Variants in NCAM2 observed in about 807,000 individuals in gnomAD.
NCAM2 encodes the protein N-CAM-2.
A neutral mutation model predicts 98.1 loss-of-function variants in NCAM2; 30 were observed. That is an observed-to-expected ratio of 0.31 (90% CI 0.23 to 0.41). NCAM2 has a LOEUF of 0.41. Ranked by LOEUF, NCAM2 falls within the 10% of genes least tolerant of loss-of-function variation. The pLI is 1.00. For missense variants in NCAM2, 867 were observed against 1,005.8 expected (o/e 0.86, Z 1.87); for synonymous variants, 368 against 342.4 (o/e 1.07, Z -0.83).
chr21:21,296,245 T>A (rs1423034337), intron 5 of NCAM2, among the ~76,000 whole-genome samples: 1 of 151,786 alleles, frequency 6.6e-6, no homozygotes, highest in Non-Finnish European at 1.5e-5. Context: ...ACAAATGCAG[T>A]TTTCCTAGAT....
At chr21:21,242,977 G>C (rs765525042) in intron 1 of NCAM2, among the ~76,000 whole-genome samples, 1 of 152,064 alleles carries the variant, frequency 6.6e-6, no homozygotes, top group South Asian at 2.1e-4. Flanking sequence ...TATTCTCTGT[G>C]TATTTTGGAC....
At chr21:21,043,990 G>T (rs1362526820) in intron 1 of NCAM2, among the ~76,000 whole-genome samples, 1 of 151,972 alleles carries the variant, frequency 6.6e-6, no homozygotes, top group African/African-American at 2.4e-5. Context: ...TTGAAAATTG[G>T]TTTTTTAATC....
At chr21:21,390,041 G>T (rs2076348226) in intron 9 of NCAM2, among the ~76,000 whole-genome samples, 2 of 152,096 alleles carry the variant, frequency 1.3e-5, no homozygotes, top group Non-Finnish European at 2.9e-5. Context: ...GTAGCGACAG[G>T]CTTTGACCAT....
At chr21:21,255,076 T>A (rs906185960) in intron 1 of NCAM2, among the ~76,000 whole-genome samples, 1 of 152,146 alleles carries the variant, frequency 6.6e-6, no homozygotes, top group Non-Finnish European at 1.5e-5. Flanking sequence ...CATACCAAGC[T>A]ATCAGAATAA....
intron 1 of NCAM2, among the ~76,000 whole-genome samples, chr21:21,089,850 G>A (rs1422381030): frequency 6.6e-6 from 1 of 152,112 alleles, no homozygotes; most frequent in African/African-American, 2.4e-5. Context: ...TTGTGTGCAT[G>A]GAACAGCAAT....
intron 1 of NCAM2, among the ~76,000 whole-genome samples, chr21:21,173,027 A>G (rs1200379746): frequency 3.3e-5 from 5 of 152,202 alleles, no homozygotes; most frequent in Admixed American, 2.6e-4. Context: ...ATAGTGTGAA[A>G]TGTATCTTCA....
At position 21,278,159 on chromosome 21, in the gene NCAM2, C is replaced by T. The variant is rs532596651; in HGVS notation, c.56-2419C>T. Among the ~76,000 whole-genome samples the T allele has an allele frequency of 1.7e-4, 25 of 151,322 alleles. 1 individual carries two copies. Among genetic ancestry groups the T allele is most frequent in the Admixed American group, 1.6e-3 (24 of 15,192 alleles). On this transcript the variant is annotated intron_variant, in intron 1 of 17. Transcript: ENST00000400546. ...AGAGAAGACACATAATTATAATTTC[C>T]CCTCCCTTTTTTTTTCAAACTTGTA... is the stretch of plus-strand genomic sequence containing the variant.
intron 16 of NCAM2, among the ~76,000 whole-genome samples, chr21:21,510,297 T>C (rs147804269): frequency 6.6e-6 from 1 of 152,222 alleles, no homozygotes; most frequent in Non-Finnish European, 1.5e-5. Flanking sequence ...ATTCAGAACC[T>C]TACCACCACA....
intron 1 of NCAM2, among the ~76,000 whole-genome samples, chr21:21,132,536 A>G (rs2066957586): frequency 6.6e-6 from 1 of 152,164 alleles, no homozygotes; most frequent in African/African-American, 2.4e-5. Flanking sequence ...ATGTATGTGT[A>G]CATACTGAAT....
chr21:21,526,001 C>T (rs1330460810), intron 16 of NCAM2, among the ~76,000 whole-genome samples: 2 of 152,020 alleles, frequency 1.3e-5, no homozygotes, highest in Admixed American at 6.6e-5. Context: ...CCTTCCTTAA[C>T]TTAATAAAGG....
At chr21:21,337,069 A>AT (rs2074891915) in intron 7 of NCAM2, among the ~76,000 whole-genome samples, 1 of 152,198 alleles carries the variant, frequency 6.6e-6, no homozygotes, top group African/African-American at 2.4e-5. Context: ...ACTTGAAAAT[A>AT]TTTTTTCTAT....
chr21:21,452,626 AATATATTATATATTATATATAAATAT>A (rs1981335006), intron 12 of NCAM2, among the ~76,000 whole-genome samples: 1 of 113,168 alleles, frequency 8.8e-6, no homozygotes, highest in Non-Finnish European at 1.7e-5. Context: ...TAATATATAC[AATATATTATATATTATATATAAATAT>A]ATATATTATA....
At chr21:21,532,276 G>A (rs1010603427) in intron 16 of NCAM2, among the ~76,000 whole-genome samples, 1 of 151,886 alleles carries the variant, frequency 6.6e-6, no homozygotes, top group African/African-American at 2.4e-5. Context: ...AAAACTCAGT[G>A]TTAGTTCAAA....
intron 1 of NCAM2, among the ~76,000 whole-genome samples, chr21:21,266,836 G>A (rs1389679025): frequency 6.6e-6 from 1 of 152,036 alleles, no homozygotes; most frequent in Non-Finnish European, 1.5e-5. Flanking sequence ...AAACCTGCAC[G>A]TTGTGCACAT....
intron 1 of NCAM2, among the ~76,000 whole-genome samples, chr21:21,259,803 G>A (rs568002875): frequency 5.3e-5 from 8 of 151,618 alleles, no homozygotes; most frequent in Non-Finnish European, 1.2e-4. Flanking sequence ...AGAGCCTTGG[G>A]CCCCTGAAAG....
chr21:21,313,873 G>A (rs560442293), intron 5 of NCAM2, among the ~76,000 whole-genome samples: 102 of 151,916 alleles, frequency 6.7e-4, no homozygotes, highest in Non-Finnish European at 1.2e-3. Flanking sequence ...GGGTGTTGCC[G>A]TTGTAATTCA....
At chr21:21,144,848 A>T (rs187995122) in intron 1 of NCAM2, among the ~76,000 whole-genome samples, 20 of 152,292 alleles carry the variant, frequency 1.3e-4, no homozygotes, top group Admixed American at 3.3e-4. Flanking sequence ...AAGAAATGGA[A>T]TATAGGAAAA....
Position 21,304,450 on chromosome 21 carries a change from A to G in NCAM2, c.619+12209A>G, listed in dbSNP as rs930701211. On this transcript the variant is annotated intron_variant, in intron 5 of 17. Coordinates refer to ENST00000400546, the MANE Select transcript of NCAM2 (RefSeq NM_004540.5). ...TTAATATATGTGTTTTAGGGAATCTATTCTGTTCCATTGATCTATTTATTT... is the reference window on the plus strand; with the variant it reads ...TTAATATATGTGTTTTAGGGAATCTGTTCTGTTCCATTGATCTATTTATTT... Among the ~76,000 whole-genome samples the G allele has an allele frequency of 2.6e-5, 4 of 152,112 alleles. No homozygotes were observed. In the South Asian group the frequency reaches 8.3e-4, roughly 32 times the overall value.
chr21:21,149,201 C>T (rs2067373760), intron 1 of NCAM2, among the ~76,000 whole-genome samples: 1 of 152,028 alleles, frequency 6.6e-6, no homozygotes, highest in Non-Finnish European at 1.5e-5. Context: ...TTGAGGTCTT[C>T]CTTTTCCATA....
Sources: gnomAD v4.1 joint callset for allele counts (sites outside exome capture counted in the v4.1 genomes callset) on GRCh38, gnomAD v4.1.1 for gene constraint, MANE v1.5 for transcripts, NCBI Gene and HGNC (gene_info 2026-07-23, HGNC 2026-07-21) for gene names.